TRERF1: variants seen among roughly 807,000 people sequenced by gnomAD.
TRERF1 encodes the protein transcriptional-regulating factor 1.
TRERF1 carries 27 observed loss-of-function variants against 122.9 expected under a neutral mutation model. The ratio of observed to expected loss-of-function variants is 0.22; its 90% CI spans 0.16 to 0.30. TRERF1 has a LOEUF of 0.30. TRERF1 is among the 10% of genes least tolerant of loss of function. TRERF1 has a pLI of 1.00. For synonymous variants in TRERF1, 636 were observed against 641.7 expected (o/e 0.99, Z 0.13); for missense variants, 1,248 against 1,560.3 (o/e 0.80, Z 3.37).
chr6:42,318,137 G>A (rs1200830238), intron 3 of TRERF1, among the ~76,000 whole-genome samples: 2 of 151,788 alleles, frequency 1.3e-5, no homozygotes, highest in Non-Finnish European at 2.9e-5. Flanking sequence ...CTGAGTAACA[G>A]GGCGAGACTC....
In TRERF1 at chr6:42,241,920, C is replaced by A. The variant is rs148974690; in HGVS notation, c.2859+1328G>T. On this transcript the variant is annotated intron_variant, in intron 15 of 17. Coordinates refer to ENST00000372922, the Ensembl canonical transcript of TRERF1. ...GAACAGCCTGGGCAACAAAGTGAGA[C>A]GTTGTCTCTACAAAAAATTAAAATA... is the stretch of plus-strand genomic sequence containing the variant. 4.4e-3 allele frequency among the ~76,000 whole-genome samples: 667 copies of A among 152,256 alleles called. 3 individuals are homozygous for A. Among genetic ancestry groups the A allele is most frequent in the African/African-American group, 0.014 (564 of 41,550 alleles).
At chr6:42,271,184 TAAAA>T (rs761098527) in intron 4 of TRERF1, among the ~76,000 whole-genome samples, 33 of 102,694 alleles carry the variant, frequency 3.2e-4, no homozygotes, top group African/African-American at 1.1e-3. Context: ...AAACTCCATC[TAAAA>T]AAAAAAAAAA....
At chr6:42,302,930 T>C (rs1237508113) in intron 3 of TRERF1, among the ~76,000 whole-genome samples, 2 of 152,226 alleles carry the variant, frequency 1.3e-5, no homozygotes, top group African/African-American at 2.4e-5. Context: ...TTAGACAACA[T>C]ATGGCCAACT....
intron 2 of TRERF1, among the ~76,000 whole-genome samples, chr6:42,386,011 A>G (rs1581927216): frequency 6.6e-6 from 1 of 152,214 alleles, no homozygotes; most frequent in Non-Finnish European, 1.5e-5. Flanking sequence ...AACATATCCT[A>G]TGCAGAATAA....
At chr6:42,438,969 A>AGTGT (rs1305497759) in intron 2 of TRERF1, among the ~76,000 whole-genome samples, 3 of 152,154 alleles carry the variant, frequency 2.0e-5, no homozygotes, top group Non-Finnish European at 4.4e-5. Flanking sequence ...GTGGAAAGGG[A>AGTGT]GTGTCGCAGA....
intron 4 of TRERF1, among the ~76,000 whole-genome samples, chr6:42,288,880 C>G (rs1783764999): frequency 6.6e-6 from 1 of 151,932 alleles, no homozygotes; most frequent in Admixed American, 6.6e-5. Flanking sequence ...CCATCCAAGC[C>G]TCTTGAGGCT....
chr6:42,383,443 C>T (rs1776292218), intron 2 of TRERF1, among the ~76,000 whole-genome samples: 1 of 152,132 alleles, frequency 6.6e-6, no homozygotes, highest in African/African-American at 2.4e-5. Flanking sequence ...TCCTCCCAAC[C>T]CTGGCTTTCC....
At chr6:42,310,762 C>T (rs1047905826) in intron 3 of TRERF1, among the ~76,000 whole-genome samples, 3 of 152,166 alleles carry the variant, frequency 2.0e-5, no homozygotes, top group African/African-American at 7.2e-5. Flanking sequence ...ATTTGTCAAG[C>T]CCCAAGAAGC....
chr6:42,341,668 C>A (rs1767321392), intron 3 of TRERF1, among the ~76,000 whole-genome samples: 1 of 152,196 alleles, frequency 6.6e-6, no homozygotes, highest in South Asian at 2.1e-4. Context: ...CCAGGTCTAC[C>A]CCTAGCATGG....
intron 2 of TRERF1, among the ~76,000 whole-genome samples, chr6:42,367,599 G>A (rs1252489575): frequency 6.6e-6 from 1 of 152,118 alleles, no homozygotes; most frequent in African/African-American, 2.4e-5. Flanking sequence ...GCTGTAGGGA[G>A]GCACCCTTAC....
intron 4 of TRERF1, among the ~76,000 whole-genome samples, chr6:42,279,335 C>T (rs1162877878): frequency 6.6e-6 from 1 of 152,144 alleles, no homozygotes; most frequent in East Asian, 1.9e-4. Flanking sequence ...TGAATCAGCA[C>T]CTGGGACTTC....
chr6:42,384,336 A>G (rs966909148), intron 2 of TRERF1, among the ~76,000 whole-genome samples: 3 of 152,242 alleles, frequency 2.0e-5, no homozygotes, highest in African/African-American at 7.2e-5. Context: ...GGCATCCTCT[A>G]TGTCATAATA....
Position 42,266,159 on chromosome 6 carries a change from A to G in TRERF1, c.1438-362T>C, listed in dbSNP as rs116361339. ...AGAAGAAAGAGGTGGGAGACGCAGC[A>G]TTATGCCAGGAGACCCCCTGATGGA... On this transcript the variant is annotated intron_variant, in intron 5 of 17. Transcript: ENST00000372922. 2.4e-3 allele frequency among the ~76,000 whole-genome samples: 360 copies of G among 150,432 alleles called. 1 individual carries two copies. The highest frequency in any genetic ancestry group is 8.2e-3 in the African/African-American group (338 of 41,046).
intron 10 of TRERF1, among the ~76,000 whole-genome samples, chr6:42,257,763 T>G (rs532989867): frequency 9.2e-5 from 14 of 152,176 alleles, no homozygotes; most frequent in African/African-American, 1.9e-4. Flanking sequence ...ACAAGCCCAT[T>G]TGGAGGACTG....
chr6:42,442,637 G>A (rs1343489138), intron 2 of TRERF1, among the ~76,000 whole-genome samples: 2 of 152,224 alleles, frequency 1.3e-5, no homozygotes, highest in Non-Finnish European at 2.9e-5. Context: ...GAATAATGGA[G>A]GCAAACAATT....
At chr6:42,376,636 G>A (rs951519131) in intron 2 of TRERF1, among the ~76,000 whole-genome samples, 6 of 147,064 alleles carry the variant, frequency 4.1e-5, no homozygotes, top group African/African-American at 1.5e-4. Flanking sequence ...TCTGCCTCTC[G>A]GGTTCAAGCG....
At chr6:42,286,085 C>T (rs2150090185) in intron 4 of TRERF1, among the ~76,000 whole-genome samples, 1 of 150,860 alleles carries the variant, frequency 6.6e-6, no homozygotes, top group Non-Finnish European at 1.5e-5. Context: ...ACTGGCTAGC[C>T]ATATGTAGAA....
At chr6:42,281,405 C>A (rs1401053658) in intron 4 of TRERF1, among the ~76,000 whole-genome samples, 1 of 152,076 alleles carries the variant, frequency 6.6e-6, no homozygotes, top group African/African-American at 2.4e-5. Context: ...ATTTTTCAAA[C>A]AATACTAGAT....
chr6:42,374,129 CTT>C (rs200639285), intron 2 of TRERF1, among the ~76,000 whole-genome samples: 29 of 131,310 alleles, frequency 2.2e-4, no homozygotes, highest in African/African-American at 8.3e-4. Context: ...GAGACTCTGT[CTT>C]TTTTTTAAAA....
Sources: gnomAD v4.1 joint callset for allele counts (sites outside exome capture counted in the v4.1 genomes callset) on GRCh38, gnomAD v4.1.1 for gene constraint, MANE v1.5 for transcripts, NCBI Gene and HGNC (gene_info 2026-07-23, HGNC 2026-07-21) for gene names.